Variants in VSIG4 observed in about 807,000 individuals in gnomAD.
The protein encoded by VSIG4 is V-set and immunoglobulin domain-containing protein 4.
VSIG4 carries 34 observed loss-of-function variants against 23.4 expected under a neutral mutation model. That is an observed-to-expected ratio of 1.45 (90% CI 1.10 to 1.93). The LOEUF (loss-of-function observed/expected upper bound fraction) is 1.93, where lower values mean the gene tolerates loss of function less well. Among genes scored for constraint, VSIG4 ranks in the 30% most tolerant of loss-of-function variants. VSIG4 has a pLI of 0.00. For synonymous variants in VSIG4, 169 were observed against 120.3 expected (o/e 1.41, Z -2.65); for missense variants, 433 against 310.8 (o/e 1.39, Z -2.96).
chrX:66,030,592 C>G (rs917062445), intron 3 of VSIG4, among the ~76,000 whole-genome samples: 1 of 110,038 alleles, frequency 9.1e-6, no homozygotes, highest in Admixed American at 9.7e-5. Context: ...AATATCAAGG[C>G]AGAGAGGAGG....
At chrX:66,036,813 A>ATAT (rs2085563055) in intron 1 of VSIG4, among the ~76,000 whole-genome samples, 1 of 39,645 alleles carries the variant, frequency 2.5e-5, no homozygotes, top group African/African-American at 1.2e-4. Context: ...ATATAATATT[A>ATAT]TATATTATTA....
intron 1 of VSIG4, among the ~76,000 whole-genome samples, chrX:66,035,315 G>T (rs770604910): frequency 7.6e-4 from 85 of 112,101 alleles, no homozygotes; most frequent in Non-Finnish European, 1.2e-3. Flanking sequence ...ATTTTGGTTT[G>T]CTCTATTTTC....
chrX:66,025,717 C>T, intron 5 of VSIG4, among the ~76,000 whole-genome samples: 1 of 112,273 alleles, frequency 8.9e-6, no homozygotes, highest in African/African-American at 3.2e-5. Flanking sequence ...AAGATATTCA[C>T]ATCCAAATTC....
chrX:66,022,368 C>T lies in VSIG4; in HGVS notation c.1095G>A (p.Gln365=). 2 of 1,212,188 alleles carry T rather than the reference C, an allele frequency of 1.6e-6. No individual in the cohort carries two copies. The highest frequency in any genetic ancestry group is 2.2e-6 in the Non-Finnish European group (2 of 895,604). Residue 365 remains glutamine, a synonymous_variant, in exon 8 of 8, where the codon CAG becomes CAA. Coordinates refer to ENST00000374737, the MANE Select transcript of VSIG4 (RefSeq NM_007268.3). ...NNYSDEPCIG[Q]EYQIIAQING... The stretch of plus-strand genomic sequence containing the variant: ...TGATCTGGGCGATGATCTGGTACTC[C>T]TGTCCTATGCAGGGCTCATCAGAGT...
Position 66,039,656 on chromosome X carries a change from T to C in VSIG4, c.55+288A>G, listed in dbSNP as rs184338780. On this transcript the variant is annotated intron_variant, in intron 1 of 7. Transcript: ENST00000374737. ...AGATGGAGGAAAGATTCGGATGTCA[T>C]TGGGAACCTTCTTGATGCCCCTGAG... 8.0e-5 allele frequency among the ~76,000 whole-genome samples: 9 copies of C among 112,181 alleles called. No individual in the cohort carries two copies. The Admixed American group carries it at 8.5e-4, about 11-fold the overall frequency.
intron 5 of VSIG4, 95 bp from the exon 6 acceptor site, chrX:66,025,224 C>G: frequency 3.5e-6 from 2 of 576,298 alleles, no homozygotes; most frequent in Non-Finnish European, 5.2e-6. Flanking sequence ...AGGCCTTTTT[C>G]TTTTTCATTT....
intron 6 of VSIG4, among the ~76,000 whole-genome samples, chrX:66,024,247 A>G (rs2085364673): frequency 8.9e-6 from 1 of 112,613 alleles, no homozygotes; most frequent in Admixed American, 9.3e-5. Context: ...ATAGTTTTTA[A>G]ATGGCTCTGA....
At chrX:66,030,568 G>A (rs1173754512) in intron 3 of VSIG4, among the ~76,000 whole-genome samples, 1 of 110,565 alleles carries the variant, frequency 9.0e-6, no homozygotes, top group African/African-American at 3.3e-5. Context: ...GAGCCAAGAG[G>A]AAATGGATAG....
chrX:66,032,892 G>C, intron 2 of VSIG4, 143 bp from the exon 3 acceptor site: 4 of 646,045 alleles, frequency 6.2e-6, no homozygotes, highest in Non-Finnish European at 9.1e-6. Flanking sequence ...GAGGAAATAA[G>C]AAGGAAAGGG....
Position 66,033,383 on chromosome X carries a change from G to A in VSIG4, c.412+91C>T, listed in dbSNP as rs973644968. On this transcript the variant is annotated intron_variant, in intron 2 of 7. Coordinates refer to ENST00000374737, the MANE Select transcript of VSIG4 (RefSeq NM_007268.3). ...ACCTGTGGAGAGCCTCTGTATAAAC[G>A]AAGGCCTCTGGATTTTTCAGGCTTT... is the stretch of plus-strand genomic sequence containing the variant. 7.2e-6 allele frequency: 6 copies of A among 829,249 alleles called. No individual in the cohort carries two copies. The East Asian group carries it at 9.4e-5, about 13-fold the overall frequency. The allele number at this position is 829,249 out of a possible 1,213,427, so 68.3% of individuals were successfully genotyped here.
At chrX:66,022,633 G>C in intron 7 of VSIG4, 133 bp from the exon 8 acceptor site, 1 of 1,130,052 alleles carries the variant, frequency 8.8e-7, no homozygotes, top group Non-Finnish European at 1.2e-6. Flanking sequence ...GCAGAAGGCA[G>C]ATGGATCTAA....
Position 66,032,615 on chromosome X carries a change from T to C in VSIG4, c.547A>G (p.Asn183Asp), listed in dbSNP as rs1219810347. 2 of 1,211,553 alleles carry C rather than the reference T, an allele frequency of 1.7e-6. No individual in the cohort carries two copies. The highest frequency in any genetic ancestry group is 3.0e-5 in the East Asian group (1 of 33,830). The change falls in exon 3 of 8, where the codon AAT becomes GAT. Residue 183 changes from asparagine (N) to aspartate (D), a missense_variant. Physicochemically the swap from Asn to Asp is conservative, Grantham distance 23 (BLOSUM62 1). Transcript: ENST00000374737. ...ISYIWYKQQT[N>D]NQEPIKVATL... ...GCTACTTTGATGGGTTCCTGGTTAT[T>C]AGTCTGTTGCTTATACCAAATATAA...
intron 5 of VSIG4, among the ~76,000 whole-genome samples, chrX:66,026,619 A>G (rs2085395456): frequency 8.9e-6 from 1 of 112,106 alleles, no homozygotes; most frequent in African/African-American, 3.2e-5. Context: ...AAAACTCTGC[A>G]ATCAGGAATG....
In VSIG4 at chrX:66,033,807, C is replaced by T. The variant is rs2085496572; in HGVS notation, c.79G>A (p.Glu27Lys). The T allele has an allele frequency of 1.7e-6, 2 of 1,205,886 alleles. No homozygotes were observed. Among genetic ancestry groups the T allele is most frequent in the African/African-American group, 1.8e-5 (1 of 57,071 alleles). ...CCTTTCCAAGGTCCTGTTACACTCT[C>T]TGGCACTTCCAGGATGGGACGGCCT... is the stretch of plus-strand genomic sequence containing the variant. ...TYGRPILEVP[E>K]SVTGPWKGDV... The change falls in exon 2 of 8, where the codon GAG (glutamate) becomes AAG (lysine). Residue 27 changes from glutamate (E) to lysine (K), a missense_variant. Transcript: ENST00000374737.
In VSIG4 at chrX:66,025,109, C is replaced by A. The variant is rs775286393; in HGVS notation, c.856G>T (p.Ala286Ser). 3 of 1,197,776 alleles carry A rather than the reference C, an allele frequency of 2.5e-6. No individual in the cohort carries two copies. The highest frequency in any genetic ancestry group is 2.3e-4 in the Middle Eastern group (1 of 4,313). The change falls in exon 6 of 8, where the codon GCC becomes TCC. Residue 286 changes from alanine to serine, a missense_variant. Transcript: ENST00000374737. Reference sequence around the variant, plus strand: ...CACAAGGAGATGATGAGGATGATGGCAAAGACAGGCAGGCTCTTTCCTAGA... The same window carrying A: ...CACAAGGAGATGATGAGGATGATGGAAAAGACAGGCAGGCTCTTTCCTAGA... The part of the protein sequence containing the change: ...AGPGKSLPVF[A>S]IILIISLCCM...
intron 1 of VSIG4, among the ~76,000 whole-genome samples, chrX:66,038,335 G>A (rs1255468228): frequency 1.8e-5 from 2 of 110,163 alleles, no homozygotes; most frequent in African/African-American, 6.6e-5. Flanking sequence ...TCCAGGGAGA[G>A]GGAAGGTATT....
At chrX:66,032,788 A>T (rs777224778) in intron 2 of VSIG4, 39 bp from the exon 3 acceptor site, 34 of 1,182,835 alleles carry the variant, frequency 2.9e-5, no homozygotes, top group Non-Finnish European at 3.8e-5. Flanking sequence ...CTGGGCAGTC[A>T]TAAGGATATG....
intron 5 of VSIG4, among the ~76,000 whole-genome samples, chrX:66,026,915 T>C (rs2085398497): frequency 9.0e-6 from 1 of 111,577 alleles, no homozygotes; most frequent in African/African-American, 3.3e-5. Context: ...TGTTCTATTA[T>C]TTCAACAGTC....
intron 5 of VSIG4, 94 bp from the exon 6 acceptor site, chrX:66,025,223 T>A: frequency 1.7e-6 from 1 of 577,850 alleles, no homozygotes; most frequent in Non-Finnish European, 2.6e-6. Context: ...CAGGCCTTTT[T>A]CTTTTTCATT....
Sources: allele counts gnomAD v4.1 joint callset (sites outside exome capture counted in the v4.1 genomes callset), GRCh38; gene constraint gnomAD v4.1.1; transcripts MANE v1.5; gene names NCBI Gene and HGNC (gene_info 2026-07-23, HGNC 2026-07-21).